SLC35F4: variants seen among roughly 807,000 people sequenced by gnomAD.
The protein encoded by SLC35F4 is chromosome 14 open reading frame 36.
In SLC35F4, 24 loss-of-function variants were observed where a neutral mutation model predicts 44.2. The ratio of observed to expected loss-of-function variants is 0.54; its 90% CI spans 0.39 to 0.76. SLC35F4 has a LOEUF of 0.76. Among genes scored for constraint, SLC35F4 ranks in the 30% least tolerant of loss-of-function variants. The pLI is 0.00. For synonymous variants in SLC35F4, 238 were observed against 223.6 expected (o/e 1.06, Z -0.57); for missense variants, 562 against 586.1 (o/e 0.96, Z 0.42).
chr14:57,639,986 A>G (rs2073157900), intron 1 of SLC35F4, among the ~76,000 whole-genome samples: 1 of 152,032 alleles, frequency 6.6e-6, no homozygotes, highest in South Asian at 2.1e-4. Flanking sequence ...TTCAAAGCCA[A>G]CAAAGACCTC....
chr14:57,741,951 G>T (rs887715432), intron 1 of SLC35F4, among the ~76,000 whole-genome samples: 1 of 152,102 alleles, frequency 6.6e-6, no homozygotes, highest in Non-Finnish European at 1.5e-5. Flanking sequence ...TTTCAACCCA[G>T]AATTTCATAT....
intron 1 of SLC35F4, among the ~76,000 whole-genome samples, chr14:57,722,707 T>C (rs1431364679): frequency 2.0e-5 from 3 of 152,180 alleles, no homozygotes; most frequent in East Asian, 3.9e-4. Context: ...AGCTCTGGCA[T>C]TGGCTAATTA....
chr14:57,629,012 G>GAAAACAGC lies in SLC35F4; in HGVS notation c.104-34896_104-34889dup, dbSNP rs1485044061. 2.0e-5 allele frequency among the ~76,000 whole-genome samples: 3 copies of GAAAACAGC among 152,232 alleles called. No homozygotes were observed. In the East Asian group the frequency reaches 5.8e-4, roughly 29 times the overall value. On this transcript the variant is annotated intron_variant, in intron 1 of 7. Coordinates refer to ENST00000556826, the MANE Select transcript of SLC35F4 (RefSeq NM_001306087.2). Reference sequence around the variant, plus strand: ...CACATGGAGAAGGGCAAGTGCCCAGGAAAACAGCATTTACCATCGGATACA... The same window carrying GAAAACAGC: ...CACATGGAGAAGGGCAAGTGCCCAGGAAAACAGCAAAACAGCATTTACCATCGGATACA...
intron 3 of SLC35F4, among the ~76,000 whole-genome samples, chr14:57,585,909 TTTATAGA>T (rs2069681409): frequency 2.0e-5 from 3 of 152,186 alleles, no homozygotes; most frequent in Admixed American, 6.5e-5. Context: ...CCCAAAGTAA[TTTATAGA>T]TTCAATGCTC....
intron 3 of SLC35F4, among the ~76,000 whole-genome samples, chr14:57,587,753 C>G (rs1395515251): frequency 4.0e-5 from 6 of 151,374 alleles, no homozygotes; most frequent in African/African-American, 1.2e-4. Flanking sequence ...CCCATGTATC[C>G]CAGAACTTAA....
intron 1 of SLC35F4, among the ~76,000 whole-genome samples, chr14:57,748,234 T>C (rs1422643985): frequency 2.6e-5 from 4 of 152,154 alleles, no homozygotes; most frequent in Non-Finnish European, 4.4e-5. Flanking sequence ...ATATAGACTA[T>C]TGGAGCCCCA....
At chr14:57,853,542 G>C (rs1886784107) in intron 1 of SLC35F4, among the ~76,000 whole-genome samples, 1 of 152,064 alleles carries the variant, frequency 6.6e-6, no homozygotes, top group African/African-American at 2.4e-5. Flanking sequence ...CCATCAATAG[G>C]GTCAAGAGTG....
intron 1 of SLC35F4, among the ~76,000 whole-genome samples, chr14:57,680,334 T>C (rs1249661483): frequency 6.6e-6 from 1 of 152,098 alleles, no homozygotes; most frequent in East Asian, 1.9e-4. Context: ...CCCTTCATGC[T>C]AAAAACTTTC....
chr14:57,969,739 C>T (rs937398313), intron 1 of SLC35F4, among the ~76,000 whole-genome samples: 2 of 152,146 alleles, frequency 1.3e-5, no homozygotes, highest in African/African-American at 4.8e-5. Context: ...CTCAGATATG[C>T]TCATATTATA....
chr14:57,587,456 A>T (rs899936067), intron 3 of SLC35F4, among the ~76,000 whole-genome samples: 32 of 152,252 alleles, frequency 2.1e-4, no homozygotes, highest in African/African-American at 7.5e-4. Context: ...AAAAAAGATG[A>T]GTTCGTGTCC....
chr14:57,731,193 G>A (rs138612828), intron 1 of SLC35F4, among the ~76,000 whole-genome samples: 33 of 152,214 alleles, frequency 2.2e-4, no homozygotes, highest in African/African-American at 7.7e-4. Flanking sequence ...ATGCGACCCT[G>A]AAAACAAGAC....
At chr14:57,837,853 C>T (rs1235047457) in intron 1 of SLC35F4, among the ~76,000 whole-genome samples, 3 of 152,226 alleles carry the variant, frequency 2.0e-5, no homozygotes, top group African/African-American at 7.2e-5. Flanking sequence ...CTGCTCACCT[C>T]CCCTTCCCCA....
rs116777054 is a variant in SLC35F4, at chr14:57,854,702, C to A, written c.103+11021G>T. 2.2e-3 allele frequency among the ~76,000 whole-genome samples: 333 copies of A among 152,302 alleles called. 1 individual carries two copies. The highest frequency in any genetic ancestry group is 7.8e-3 in the African/African-American group (325 of 41,564). ...CTGCAGACATGTAGACCCATTCTGC[C>A]ACTCACTGGCTGTCGATTTGCCTCA... On this transcript the variant is annotated intron_variant, in intron 1 of 7. Transcript: ENST00000556826.
chr14:57,925,674 C>G (rs1889556248), intron 1 of SLC35F4, among the ~76,000 whole-genome samples: 1 of 150,150 alleles, frequency 6.7e-6, no homozygotes, highest in African/African-American at 2.5e-5. Flanking sequence ...GGCAGAATAG[C>G]ATTTATTCAC....
chr14:57,972,649 C>G (rs1444312440), downstream of SLC35F4, among the ~76,000 whole-genome samples: 2 of 152,128 alleles, frequency 1.3e-5, no homozygotes, highest in Non-Finnish European at 2.9e-5. Context: ...CATAGCAGAG[C>G]CAGGACCAAA....
At chr14:57,902,035 C>G (rs1159866122) in intron 1 of SLC35F4, among the ~76,000 whole-genome samples, 1 of 152,146 alleles carries the variant, frequency 6.6e-6, no homozygotes, top group Non-Finnish European at 1.5e-5. Context: ...TTAAAGAAGG[C>G]ATCAGTAAGC....
In SLC35F4 at chr14:57,589,314, A is replaced by C; in HGVS notation, c.489T>G (p.Thr163=). 6.2e-7 allele frequency: 1 copy of C among 1,614,018 alleles called. No homozygotes were observed. The highest frequency in any genetic ancestry group is 8.5e-7 in the Non-Finnish European group (1 of 1,179,882). The stretch of plus-strand genomic sequence containing the variant: ...TAATGTTCCAGTTTGTTGAAAACCA[A>C]GTCATGAAAAATGGGCAATAGAAGT... The part of the protein sequence containing the change: ...YKNFYCPFFM[T]WFSTNWNIMF... Residue 163 remains threonine (T), a synonymous_variant, in exon 3 of 8, where the codon ACT becomes ACG. Transcript: ENST00000556826.
At chr14:57,886,567 T>C (rs59655299) in intron 1 of SLC35F4, among the ~76,000 whole-genome samples, 2,007 of 152,302 alleles carry the variant, frequency 0.013, 38 homozygotes, top group African/African-American at 0.046. Context: ...GAGGAATTAA[T>C]ATATTTTTCC....
chr14:57,854,790 T>C (rs1886925152), intron 1 of SLC35F4, among the ~76,000 whole-genome samples: 1 of 152,228 alleles, frequency 6.6e-6, no homozygotes, highest in African/African-American at 2.4e-5. Flanking sequence ...CCATTTTAAA[T>C]AAGCTATGCC....
Sources: allele counts gnomAD v4.1 joint callset (sites outside exome capture counted in the v4.1 genomes callset), GRCh38; gene constraint gnomAD v4.1.1; transcripts MANE v1.5; gene names NCBI Gene and HGNC (gene_info 2026-07-23, HGNC 2026-07-21).